Variants in GRID2 observed in about 807,000 individuals in gnomAD.
GRID2 encodes the protein glutamate ionotropic receptor delta type subunit 2, also known as glutamate receptor ionotropic, delta-2.
GRID2 carries 33 observed loss-of-function variants against 114.8 expected under a neutral mutation model. The observed-to-expected ratio is 0.29, with a 90% CI of 0.22 to 0.38. GRID2 has a LOEUF of 0.38. Ranked by LOEUF, GRID2 falls within the 10% of genes least tolerant of loss-of-function variation. GRID2 has a pLI of 1.00. For missense variants in GRID2, 1,184 were observed against 1,257.7 expected, an observed-to-expected ratio of 0.94 and a Z score of 0.89; for synonymous variants, 505 against 449.9, an observed-to-expected ratio of 1.12 and a Z score of -1.55.
chr4:92,778,398 T>G lies in GRID2; in HGVS notation c.244+188112T>G, dbSNP rs186416962. 1.2e-3 allele frequency among the ~76,000 whole-genome samples: 186 copies of G among 152,238 alleles called. 1 individual carries two copies. Among genetic ancestry groups the G allele is most frequent in the African/African-American group, 4.2e-3 (175 of 41,570 alleles). ...GCAATTTGTATGATTTTGCCTAGTA[T>G]ATTCCTAATGCTCCTGATCTCAATT... On this transcript the variant is annotated intron_variant, in intron 2 of 15. Coordinates refer to ENST00000282020, the MANE Select transcript of GRID2 (RefSeq NM_001510.4).
chr4:92,687,788 C>T (rs1579844225), intron 2 of GRID2, among the ~76,000 whole-genome samples: 1 of 151,896 alleles, frequency 6.6e-6, no homozygotes. Context: ...AAGATTGCAC[C>T]ACTGCACTCC....
intron 8 of GRID2, among the ~76,000 whole-genome samples, chr4:93,335,694 C>CTTTTTTTTTTTTTTTTTTTTTTTTTTTT (rs55823712): frequency 2.1e-5 from 3 of 141,726 alleles, no homozygotes; most frequent in African/African-American, 8.1e-5. Flanking sequence ...TTTCTTCTTT[C>CTTTTTTTTTTTTTTTTTTTTTTTTTTTT]TTTTTTTTTT....
intron 6 of GRID2, 99 bp downstream of exon 6, chr4:93,217,010 AT>A (rs1744302776): frequency 1.3e-6 from 1 of 741,262 alleles, no homozygotes; most frequent in Non-Finnish European, 2.3e-6. Context: ...TATACGTGTT[AT>A]TTCTGAACAA....
At chr4:92,651,285 A>G (rs1054765469) in intron 2 of GRID2, among the ~76,000 whole-genome samples, 4 of 152,054 alleles carry the variant, frequency 2.6e-5, no homozygotes, top group Non-Finnish European at 5.9e-5. Context: ...GAATGGTGCC[A>G]CATCAGGGAC....
intron 2 of GRID2, among the ~76,000 whole-genome samples, chr4:92,740,412 A>G (rs1012471827): frequency 2.6e-5 from 4 of 152,142 alleles, no homozygotes; most frequent in African/African-American, 9.7e-5. Flanking sequence ...CTACATTTCA[A>G]TTCCAGGGCT....
intron 1 of GRID2, among the ~76,000 whole-genome samples, chr4:92,568,175 C>G (rs572619753): frequency 6.6e-6 from 1 of 151,982 alleles, no homozygotes; most frequent in South Asian, 2.1e-4. Flanking sequence ...ATCAGGACTG[C>G]TGAGATGGGA....
chr4:93,780,105 G>C (rs905866899), intron 1 of GRID2, among the ~76,000 whole-genome samples: 2 of 152,198 alleles, frequency 1.3e-5, no homozygotes, highest in Admixed American at 6.5e-5. Context: ...TAGTCTATTG[G>C]GAGGTGGTAA....
chr4:92,906,258 C>T (rs1747943526), intron 2 of GRID2, among the ~76,000 whole-genome samples: 1 of 139,044 alleles, frequency 7.2e-6, no homozygotes, highest in South Asian at 2.4e-4. Flanking sequence ...TCCCTTGAAC[C>T]AGGATTAATT....
chr4:93,771,704 G>T (rs1436800976), intron 15 of GRID2, among the ~76,000 whole-genome samples: 1 of 152,140 alleles, frequency 6.6e-6, no homozygotes. Flanking sequence ...GAGGAAGCAT[G>T]TATAAAGAAG....
chr4:92,868,132 A>C (rs1745034157), intron 2 of GRID2, among the ~76,000 whole-genome samples: 1 of 148,480 alleles, frequency 6.7e-6, no homozygotes, highest in Admixed American at 6.8e-5. Context: ...TGCAGTTGAC[A>C]AGTTAACTAT....
chr4:92,996,951 C>A (rs1177952373), intron 2 of GRID2, among the ~76,000 whole-genome samples: 1 of 152,074 alleles, frequency 6.6e-6, no homozygotes, highest in Non-Finnish European at 1.5e-5. Flanking sequence ...ACAAATATGG[C>A]TATTTAAAAG....
At chr4:92,433,436 G>C (rs1485176702) in intron 1 of GRID2, among the ~76,000 whole-genome samples, 2 of 152,194 alleles carry the variant, frequency 1.3e-5, no homozygotes, top group African/African-American at 4.8e-5. Context: ...CTGCTGGGAT[G>C]GATGATTCCC....
intron 11 of GRID2, among the ~76,000 whole-genome samples, chr4:93,471,696 C>A (rs1011854109): frequency 1.2e-3 from 67 of 57,800 alleles, no homozygotes; most frequent in African/African-American, 4.6e-3. Context: ...CTCCTGAATT[C>A]AATTTTTTTT....
chr4:93,264,209 A>G (rs1446374975), intron 8 of GRID2, among the ~76,000 whole-genome samples: 2 of 152,166 alleles, frequency 1.3e-5, no homozygotes, highest in Admixed American at 1.3e-4. Context: ...AACTTTGACC[A>G]CATACAATAT....
chr4:92,710,311 G>A (rs1238381878), intron 2 of GRID2, among the ~76,000 whole-genome samples: 9 of 152,094 alleles, frequency 5.9e-5, no homozygotes, highest in African/African-American at 2.4e-5. Context: ...ACAATTTTTA[G>A]ATAAATGAAA....
chr4:92,940,368 G>T (rs1292090453), intron 2 of GRID2, among the ~76,000 whole-genome samples: 1 of 136,926 alleles, frequency 7.3e-6, no homozygotes, highest in African/African-American at 2.6e-5. Flanking sequence ...CTCTCTGTTT[G>T]TCTGTTATTG....
chr4:93,614,788 A>T (rs1306673155), intron 13 of GRID2, among the ~76,000 whole-genome samples: 1 of 152,222 alleles, frequency 6.6e-6, no homozygotes, highest in Non-Finnish European at 1.5e-5. Context: ...TTTAAGACAT[A>T]TAAGTGTGAA....
intron 1 of GRID2, among the ~76,000 whole-genome samples, chr4:92,498,121 T>C (rs1222190067): frequency 6.6e-6 from 1 of 151,262 alleles, no homozygotes; most frequent in East Asian, 1.9e-4. Flanking sequence ...AGAAAAGAGG[T>C]TATAGGTAAA....
At chr4:92,364,962 T>C (rs1485493881) in intron 1 of GRID2, among the ~76,000 whole-genome samples, 1 of 152,090 alleles carries the variant, frequency 6.6e-6, no homozygotes. Context: ...CCTTCATCAA[T>C]TTTTAAGAGT....
Sources: gnomAD v4.1 joint callset for allele counts (sites outside exome capture counted in the v4.1 genomes callset) on GRCh38, gnomAD v4.1.1 for gene constraint, MANE v1.5 for transcripts, NCBI Gene and HGNC (gene_info 2026-07-23, HGNC 2026-07-21) for gene names.